UPK1B: variants seen among roughly 807,000 people sequenced by gnomAD.
UPK1B encodes the protein uroplakin 1B.
Under a neutral mutation model 34.2 loss-of-function variants are expected in UPK1B, and 28 were observed. That is an observed-to-expected ratio of 0.82 (90% CI 0.61 to 1.12). The LOEUF is 1.12. Ranked by LOEUF, UPK1B falls within the 50% of genes most tolerant of loss-of-function variation. UPK1B has a pLI of 0.00. For missense variants in UPK1B, 325 were observed against 320.9 expected (o/e 1.01, Z -0.10); for synonymous variants, 81 against 110.4 (o/e 0.73, Z 1.67).
chr3:119,191,127 G>A lies in UPK1B; in HGVS notation c.468+23G>A, dbSNP rs755396346. ...CAGGTAAGACCTGTGGTCTTGGGGAGATGCCATTTTTACTTACTGGTGGGA... is the reference window on the plus strand; with the variant it reads ...CAGGTAAGACCTGTGGTCTTGGGGAAATGCCATTTTTACTTACTGGTGGGA... On this transcript the variant is annotated intron_variant, in intron 5 of 7. Coordinates refer to ENST00000264234, the MANE Select transcript of UPK1B (RefSeq NM_006952.4). 9 of 1,612,098 alleles carry A rather than the reference G, an allele frequency of 5.6e-6. No homozygotes were observed. The Admixed American group carries it at 1.3e-4, about 24-fold the overall frequency.
intron 6 of UPK1B, among the ~76,000 whole-genome samples, chr3:119,198,592 T>C (rs1407758571): frequency 2.6e-5 from 4 of 152,012 alleles, no homozygotes; most frequent in Non-Finnish European, 5.9e-5. Flanking sequence ...AATGCAGGAG[T>C]TCCTTTAATG....
chr3:119,179,735 C>CT (rs2077980048), intron 1 of UPK1B, among the ~76,000 whole-genome samples: 1 of 143,862 alleles, frequency 7.0e-6, no homozygotes, highest in African/African-American at 2.6e-5. Context: ...TCTCCATCTC[C>CT]TGACCTCGTG....
chr3:119,179,844 A>T (rs2077981218), intron 1 of UPK1B, among the ~76,000 whole-genome samples: 6 of 75,392 alleles, frequency 8.0e-5, no homozygotes, highest in Non-Finnish European at 1.1e-4. Flanking sequence ...TTTTTTTTTG[A>T]GACGAGTGCA....
Position 119,187,853 on chromosome 3 carries a change from A to C in UPK1B, c.148A>C (p.Thr50Pro). 1.2e-6 allele frequency: 2 copies of C among 1,613,924 alleles called. No individual in the cohort carries two copies. Among genetic ancestry groups the C allele is most frequent in the Non-Finnish European group, 1.7e-6 (2 of 1,179,962 alleles). The change falls in exon 3 of 8, where the codon ACC becomes CCC. Residue 50 changes from threonine to proline, a missense_variant. By Grantham distance (38) the Thr-to-Pro change is conservative. Coordinates refer to ENST00000264234, the MANE Select transcript of UPK1B (RefSeq NM_006952.4). ...CAGCCTCTACCCACTGCTTGAAGCC[A>C]CCGACAACGATGACATCTATGGGGC... Reference protein sequence around the residue: ...QHSLYPLLEATDNDDIYGAAW... With the variant: ...QHSLYPLLEAPDNDDIYGAAW...
At chr3:119,180,108 G>A (rs1352155756) in intron 1 of UPK1B, among the ~76,000 whole-genome samples, 2 of 152,128 alleles carry the variant, frequency 1.3e-5, no homozygotes, top group Non-Finnish European at 2.9e-5. Flanking sequence ...GAGCCACCGC[G>A]CTTGGCCTGA....
Position 119,186,755 on chromosome 3 carries a change from A to G in UPK1B, c.14A>G (p.Asn5Ser). Residue 5 changes from asparagine (N) to serine (S), a missense_variant, in exon 2 of 8, where the codon AAC (asparagine) becomes AGC (serine). By Grantham distance (46) the Asn-to-Ser change is conservative. Coordinates refer to ENST00000264234, the MANE Select transcript of UPK1B (RefSeq NM_006952.4). The part of the protein sequence containing the change: MAKD[N>S]STVRCFQGLL... Reference sequence around the variant, plus strand: ...GAAATCCCGAAGATGGCCAAAGACAACTCAACTGTTCGTTGCTTCCAGGGC... The same window carrying G: ...GAAATCCCGAAGATGGCCAAAGACAGCTCAACTGTTCGTTGCTTCCAGGGC... 1.2e-6 allele frequency: 2 copies of G among 1,614,104 alleles called. No individual in the cohort carries two copies. The highest frequency in any genetic ancestry group is 1.7e-6 in the Non-Finnish European group (2 of 1,180,012).
Position 119,187,831 on chromosome 3 carries a change from C to T in UPK1B, c.126C>T (p.Ser42=). ...TCTTCTTTGTATCTGACCAACACAG[C>T]CTCTACCCACTGCTTGAAGCCACCG... ...ECIFFVSDQH[S]LYPLLEATDN... The change falls in exon 3 of 8, where the codon AGC becomes AGT. Residue 42 remains serine (S), a synonymous_variant. Transcript: ENST00000264234. The T allele has an allele frequency of 6.2e-7, 1 of 1,614,002 alleles. No homozygotes were observed. Among genetic ancestry groups the T allele is most frequent in the Non-Finnish European group, 8.5e-7 (1 of 1,180,010 alleles).
chr3:119,199,190 A>G (rs1168936785), intron 7 of UPK1B, 50 bp downstream of exon 7: 1 of 1,598,174 alleles, frequency 6.3e-7, no homozygotes, highest in Non-Finnish European at 8.6e-7. Flanking sequence ...TCATACGGAG[A>G]GACCTTGAGA....
chr3:119,194,962 C>A (rs2078059635), intron 6 of UPK1B, among the ~76,000 whole-genome samples: 1 of 152,194 alleles, frequency 6.6e-6, no homozygotes, highest in Admixed American at 6.5e-5. Flanking sequence ...ATCATGAAAA[C>A]TAACATTTAT....
At chr3:119,179,757 T>TCGGC (rs908541270) in intron 1 of UPK1B, among the ~76,000 whole-genome samples, 3 of 136,074 alleles carry the variant, frequency 2.2e-5, no homozygotes, top group Admixed American at 7.6e-5. Flanking sequence ...TCCACCCGCC[T>TCGGC]CGGCCTCCCA....
chr3:119,183,932 A>G (rs2107428386), intron 1 of UPK1B, among the ~76,000 whole-genome samples: 2 of 152,290 alleles, frequency 1.3e-5, no homozygotes, highest in Non-Finnish European at 2.9e-5. Flanking sequence ...GGAGAAGAAG[A>G]GAATGCATAG....
intron 1 of UPK1B, among the ~76,000 whole-genome samples, chr3:119,175,550 A>G (rs1440766781): frequency 7.1e-4 from 2 of 2,822 alleles, no homozygotes; most frequent in Non-Finnish European, 2.9e-3. Flanking sequence ...CCCCCGCCCC[A>G]AGGACTCTCC....
intron 7 of UPK1B, among the ~76,000 whole-genome samples, 193 bp downstream of exon 7, chr3:119,199,333 AC>A (rs1437816849): frequency 3.3e-5 from 5 of 152,168 alleles, no homozygotes; most frequent in African/African-American, 1.2e-4. Context: ...AACTTCCCCT[AC>A]CAGGGAAAGG....
chr3:119,180,315 C>T (rs4687978), intron 1 of UPK1B, among the ~76,000 whole-genome samples: 117,176 of 152,128 alleles, frequency 0.77, 45,400 homozygotes, highest in East Asian at 0.84. Context: ...CTGATTTAAA[C>T]GTTAATCACA....
chr3:119,201,056 T>A (rs906330637), intron 7 of UPK1B, among the ~76,000 whole-genome samples: 1 of 152,206 alleles, frequency 6.6e-6, no homozygotes, highest in African/African-American at 2.4e-5. Context: ...TTTTTTTTTT[T>A]ACTGCAAGTG....
chr3:119,179,794 A>C (rs13090573), intron 1 of UPK1B, among the ~76,000 whole-genome samples: 223 of 112,588 alleles, frequency 2.0e-3, no homozygotes, highest in Non-Finnish European at 3.1e-3. Context: ...GGCGTGAGCC[A>C]CCACGCCCGG....
At chr3:119,196,983 A>G (rs2078070605) in intron 6 of UPK1B, among the ~76,000 whole-genome samples, 1 of 151,716 alleles carries the variant, frequency 6.6e-6, no homozygotes, top group Admixed American at 6.6e-5. Context: ...AACTAACTAC[A>G]GGCATGTACC....
intron 6 of UPK1B, among the ~76,000 whole-genome samples, chr3:119,196,942 C>T (rs1388787967): frequency 2.0e-5 from 3 of 152,010 alleles, no homozygotes; most frequent in Admixed American, 1.3e-4. Flanking sequence ...CTCCTGGGCT[C>T]GAGTGATCCT....
rs5852189 is a variant in UPK1B, at chr3:119,180,672, CTTT to C, written c.-28-6031_-28-6029del. On this transcript the variant is annotated intron_variant, in intron 1 of 7. Coordinates refer to ENST00000264234, the MANE Select transcript of UPK1B (RefSeq NM_006952.4). ...GGAAAGGTCAACAAATTCATAATGT[CTTT>C]TTTTTTTTTTAAATATCCATTAGTG... Among the ~76,000 whole-genome samples the C allele has an allele frequency of 3.5e-3, 525 of 149,368 alleles. 4 individuals carry two copies. Among genetic ancestry groups the C allele is most frequent in the African/African-American group, 0.011 (464 of 40,584 alleles).
Sources: allele counts gnomAD v4.1 joint callset (sites outside exome capture counted in the v4.1 genomes callset), GRCh38; gene constraint gnomAD v4.1.1; transcripts MANE v1.5; gene names NCBI Gene and HGNC (gene_info 2026-07-23, HGNC 2026-07-21).